LGALS8: variants seen among roughly 807,000 people sequenced by gnomAD.
LGALS8 encodes the protein galectin 8, also known as galectin-8.
LGALS8 carries 30 observed loss-of-function variants against 35.9 expected under a neutral mutation model. The observed-to-expected ratio is 0.83, with a 90% CI of 0.62 to 1.13. LGALS8 has a LOEUF of 1.13. Among genes scored for constraint, LGALS8 ranks in the 50% most tolerant of loss-of-function variants. LGALS8 has a pLI of 0.00. For synonymous variants in LGALS8, 138 were observed against 136.1 expected, an observed-to-expected ratio of 1.01 and a Z score of -0.10; for missense variants, 366 against 388.7, an observed-to-expected ratio of 0.94 and a Z score of 0.49.
Position 236,550,781 on chromosome 1 carries a change from TG to T in LGALS8, c.*2621del. 1 of 714,816 alleles carries T rather than the reference TG, an allele frequency of 1.4e-6. No individual in the cohort carries two copies. Among genetic ancestry groups the T allele is most frequent in the Middle Eastern group, 2.6e-4 (1 of 3,918 alleles). 44.3% of individuals were successfully genotyped at this position (714,816 alleles called of 1,614,324 possible). On this transcript the variant is annotated 3_prime_UTR_variant, in exon 10 of 10. Transcript: ENST00000366584. ...TTTTGTAAAGAAGTGATAAAACATTTGTAAGTAATCCAAGTAGGTGTATTAA... is the reference window on the plus strand; with the variant it reads ...TTTTGTAAAGAAGTGATAAAACATTTTAAGTAATCCAAGTAGGTGTATTAA...
chr1:236,540,452 G>A, intron 4 of LGALS8, 112 bp from the exon 5 acceptor site: 1 of 1,237,468 alleles, frequency 8.1e-7, no homozygotes, highest in Non-Finnish European at 1.1e-6. Context: ...GAGACCTGTG[G>A]GAACAGGTAT....
At chr1:236,539,294 C>A in intron 4 of LGALS8, 1 of 572,334 alleles carries the variant, frequency 1.7e-6, no homozygotes. Context: ...TGTTGCCATG[C>A]AGAAATATGG....
At chr1:236,546,219 C>T (rs1238683796) in intron 9 of LGALS8, among the ~76,000 whole-genome samples, 1 of 152,184 alleles carries the variant, frequency 6.6e-6, no homozygotes, top group African/African-American at 2.4e-5. Flanking sequence ...GGATGGCTGG[C>T]TGAAGGAATG....
At chr1:236,524,384 T>A (rs1320336494) in intron 1 of LGALS8, 1 of 456,622 alleles carries the variant, frequency 2.2e-6, no homozygotes, top group Non-Finnish European at 4.4e-6. Flanking sequence ...CCACCCCACC[T>A]GGGCTGCTTT....
At chr1:236,542,558 C>CA in intron 6 of LGALS8, 1 of 606,850 alleles carries the variant, frequency 1.6e-6, no homozygotes, top group Non-Finnish European at 2.9e-6. Context: ...ACAGGGATAT[C>CA]AGACTCTCTT....
chr1:236,527,968 T>G (rs1252594844), intron 2 of LGALS8, among the ~76,000 whole-genome samples: 1 of 151,858 alleles, frequency 6.6e-6, no homozygotes, highest in African/African-American at 2.4e-5. Context: ...ACTCCTGACC[T>G]CAGGTGATGT....
At chr1:236,527,497 T>C (rs1660877138) in intron 2 of LGALS8, among the ~76,000 whole-genome samples, 1 of 152,198 alleles carries the variant, frequency 6.6e-6, no homozygotes, top group African/African-American at 2.4e-5. Context: ...CTTTTTTTTC[T>C]TTCTTTTCAA....
chr1:236,528,159 G>C (rs1240444692), intron 2 of LGALS8, among the ~76,000 whole-genome samples: 1 of 152,144 alleles, frequency 6.6e-6, no homozygotes, highest in Non-Finnish European at 1.5e-5. Context: ...GAGGCAGGTG[G>C]ATCACGAGGT....
upstream of LGALS8, among the ~76,000 whole-genome samples, chr1:236,518,828 T>A (rs1260242167): frequency 6.6e-6 from 1 of 152,140 alleles, no homozygotes; most frequent in Non-Finnish European, 1.5e-5. Context: ...CGCTATTTCA[T>A]GGATGGTTGG....
chr1:236,540,425 A>T, intron 4 of LGALS8, 139 bp from the exon 5 acceptor site: 1 of 936,814 alleles, frequency 1.1e-6, no homozygotes, highest in Non-Finnish European at 1.5e-6. Flanking sequence ...TTCGGTTACC[A>T]TTTGGTCATG....
At chr1:236,541,115 TGTTTAGGTAA>T (rs1453267827) in intron 5 of LGALS8, among the ~76,000 whole-genome samples, 1 of 152,188 alleles carries the variant, frequency 6.6e-6, no homozygotes, top group Admixed American at 6.5e-5. Flanking sequence ...ACCTTTTCTA[TGTTTAGGTAA>T]GTTTATATGC....
chr1:236,521,645 T>C (rs535745516), upstream of LGALS8, among the ~76,000 whole-genome samples: 1 of 152,086 alleles, frequency 6.6e-6, no homozygotes, highest in East Asian at 1.9e-4. Context: ...CTGGGCAACA[T>C]GGTGAAACCT....
At position 236,537,567 on chromosome 1, in the gene LGALS8, T is replaced by A. The variant is rs1204317326; in HGVS notation, c.116T>A (p.Val39Asp). 2 of 1,603,068 alleles carry A rather than the reference T, an allele frequency of 1.2e-6. No individual in the cohort carries two copies. Among genetic ancestry groups the A allele is most frequent in the Non-Finnish European group, 1.7e-6 (2 of 1,169,606 alleles). The part of the protein sequence containing the change: ...PGTLIVIRGH[V>D]PSDADRFQVD... The stretch of plus-strand genomic sequence containing the variant: ...ACTTTGATTGTGATACGTGGGCATG[T>A]TCCTAGTGACGCAGACAGGTAAAAT... Residue 39 changes from valine (V) to aspartate (D), a missense_variant, in exon 3 of 10, where the codon GTT becomes GAT. By Grantham distance (152) the Val-to-Asp change is radical. Transcript: ENST00000366584.
rs528773286 is a variant in LGALS8 at position 236,552,143 on chromosome 1, G to A, written c.*3982G>A. On this transcript the variant is annotated 3_prime_UTR_variant, in exon 10 of 10. Transcript: ENST00000366584. ...TAAAAGAGCAAAGAAATAAAAAGTA[G>A]TGTTACTGTATTTATTATCTTAAGA... The A allele has an allele frequency of 0.013, 17,002 of 1,354,150 alleles. 133 individuals carry two copies. The highest frequency in any genetic ancestry group is 0.014 in the Non-Finnish European group (13,464 of 947,666). 83.9% of individuals were successfully genotyped at this position (1,354,150 alleles called of 1,614,324 possible).
At chr1:236,540,438 T>G in intron 4 of LGALS8, 126 bp from the exon 5 acceptor site, 2 of 1,100,332 alleles carry the variant, frequency 1.8e-6, no homozygotes, top group African/African-American at 1.6e-5. Flanking sequence ...TGGTCATGTG[T>G]GTGGAGACCT....
intron 5 of LGALS8, 32 bp downstream of exon 5, chr1:236,540,715 A>G: frequency 1.3e-6 from 2 of 1,573,382 alleles, no homozygotes; most frequent in Non-Finnish European, 1.7e-6. Context: ...GGGGTCTTTT[A>G]TGAGGATGGT....
At chr1:236,546,579 G>A (rs1445982688) in intron 9 of LGALS8, among the ~76,000 whole-genome samples, 1 of 152,232 alleles carries the variant, frequency 6.6e-6, no homozygotes, top group Non-Finnish European at 1.5e-5. Flanking sequence ...ATGGTTGTGA[G>A]GGATTCTGTT....
rs1340351854 is a variant in LGALS8 at position 236,524,016 on chromosome 1, T to A, written c.-149T>A. On this transcript the variant is annotated 5_prime_UTR_variant, in exon 1 of 10. Coordinates refer to ENST00000366584, the MANE Select transcript of LGALS8 (RefSeq NM_201544.4). ...GGGAACCCTGACGGCACTTAGCTGC[T>A]GACAAACAACCTGCTCCGTGGAGCG... 1.2e-5 allele frequency: 5 copies of A among 422,202 alleles called. No homozygotes were observed. Among genetic ancestry groups the A allele is most frequent in the African/African-American group, 8.1e-5 (4 of 49,218 alleles). The allele number at this position is 422,202 out of a possible 1,614,324, so 26.2% of individuals were successfully genotyped here.
intron 7 of LGALS8, chr1:236,543,063 T>G: frequency 6.2e-7 from 1 of 1,608,364 alleles, no homozygotes. Flanking sequence ...CCAAATTTTC[T>G]TAACTCTATA....
Sources: gnomAD v4.1 joint callset for allele counts (sites outside exome capture counted in the v4.1 genomes callset) on GRCh38, gnomAD v4.1.1 for gene constraint, MANE v1.5 for transcripts, NCBI Gene and HGNC (gene_info 2026-07-23, HGNC 2026-07-21) for gene names.